Variants in EML5 observed in about 807,000 individuals in gnomAD.
EML5 encodes the protein EMAP like 5.
In EML5, 120 loss-of-function variants were observed where a neutral mutation model predicts 250.0. The ratio of observed to expected loss-of-function variants is 0.48; its 90% CI spans 0.41 to 0.56. EML5 has a LOEUF of 0.56. Among genes scored for constraint, EML5 ranks in the 20% least tolerant of loss-of-function variants. The pLI is 0.00. For synonymous variants in EML5, 771 were observed against 806.5 expected (o/e 0.96, Z 0.75); for missense variants, 2,006 against 2,437.6 (o/e 0.82, Z 3.73).
chr14:88,760,382 T>G (rs2094221689), intron 1 of EML5, among the ~76,000 whole-genome samples: 1 of 152,140 alleles, frequency 6.6e-6, no homozygotes, highest in African/African-American at 2.4e-5. Context: ...TTATGTAAGA[T>G]TCCTAACTTT....
chr14:88,674,729 CCA>C (rs2092555495), intron 21 of EML5, among the ~76,000 whole-genome samples: 1 of 152,176 alleles, frequency 6.6e-6, no homozygotes, highest in Admixed American at 6.5e-5. Flanking sequence ...ACTCAAAAGT[CCA>C]CAGTCTAACA....
rs139265755 is a variant in EML5 at position 88,780,678 on chromosome 14, C to T, written c.197+11629G>A. On this transcript the variant is annotated intron_variant, in intron 1 of 43. Transcript: ENST00000554922. Reference sequence around the variant, plus strand: ...GCAACCTCCGCCTCCCAGATTCAGGCAATTCTTGTGCCTCAGACTCCCAAG... The same window carrying T: ...GCAACCTCCGCCTCCCAGATTCAGGTAATTCTTGTGCCTCAGACTCCCAAG... 5.6e-3 allele frequency among the ~76,000 whole-genome samples: 857 copies of T among 152,212 alleles called. 6 individuals carry two copies. The highest frequency in any genetic ancestry group is 0.02 in the African/African-American group (826 of 41,522).
intron 1 of EML5, among the ~76,000 whole-genome samples, chr14:88,787,834 G>A (rs544322119): frequency 6.6e-6 from 1 of 151,894 alleles, no homozygotes; most frequent in Non-Finnish European, 1.5e-5. Flanking sequence ...ATATTGCACA[G>A]TGCTTAAGAA....
At chr14:88,683,396 A>G (rs2092758180) in intron 20 of EML5, among the ~76,000 whole-genome samples, 1 of 152,266 alleles carries the variant, frequency 6.6e-6, no homozygotes, top group African/African-American at 2.4e-5. Context: ...TGAAAACAAT[A>G]GAGCAATATG....
intron 7 of EML5, among the ~76,000 whole-genome samples, chr14:88,728,324 ACCAG>A (rs2093698708): frequency 3.6e-5 from 3 of 83,132 alleles, no homozygotes; most frequent in African/African-American, 1.4e-4. Flanking sequence ...TGAATAATGC[ACCAG>A]TTAGAAGCAC....
chr14:88,723,978 AAT>A (rs2093628296), intron 8 of EML5, among the ~76,000 whole-genome samples: 1 of 152,014 alleles, frequency 6.6e-6, no homozygotes, highest in Admixed American at 6.6e-5. Flanking sequence ...CAGGTACTTT[AAT>A]ATGTTATGAG....
At chr14:88,757,182 A>G (rs1192784092) in intron 1 of EML5, among the ~76,000 whole-genome samples, 2 of 152,190 alleles carry the variant, frequency 1.3e-5, no homozygotes, top group African/African-American at 4.8e-5. Context: ...TTTGTGGTCA[A>G]CTGATTTCAA....
chr14:88,778,376 T>C (rs2094466390), intron 1 of EML5, among the ~76,000 whole-genome samples: 1 of 152,190 alleles, frequency 6.6e-6, no homozygotes, highest in Non-Finnish European at 1.5e-5. Flanking sequence ...AAACTTCAAT[T>C]TTGAGTGTAC....
intron 1 of EML5, among the ~76,000 whole-genome samples, chr14:88,773,049 T>C (rs929066731): frequency 6.6e-6 from 1 of 152,246 alleles, no homozygotes; most frequent in African/African-American, 2.4e-5. Context: ...GCTTACTCCT[T>C]CGGAGGTATC....
Position 88,615,784 on chromosome 14 carries a change from T to G in EML5, c.*34A>C. On this transcript the variant is annotated 3_prime_UTR_variant, in exon 44 of 44. Transcript: ENST00000554922. ...GTTTTTCTTCTCTGTAATTCTGGTC[T>G]CAAAGTTAATTTCTGTAGTCATCTC... 1 of 1,602,376 alleles carries G rather than the reference T, an allele frequency of 6.2e-7. No individual in the cohort carries two copies. The highest frequency in any genetic ancestry group is 8.5e-7 in the Non-Finnish European group (1 of 1,174,312).
intron 31 of EML5, among the ~76,000 whole-genome samples, chr14:88,641,350 C>T (rs962811665): frequency 6.6e-6 from 1 of 151,954 alleles, no homozygotes; most frequent in Non-Finnish European, 1.5e-5. Context: ...AACTACAAAA[C>T]ATCCCACACA....
Position 88,642,928 on chromosome 14 carries a change from G to A in EML5, c.4202C>T (p.Thr1401Ile), listed in dbSNP as rs757333637. Residue 1401 changes from threonine (T) to isoleucine (I), a missense_variant, in exon 31 of 44, where the codon ACT (threonine) becomes ATT (isoleucine). This residue lies in a region of EML5 where 1,375 missense variants were observed against 1,590.3 expected (regional missense o/e 0.86). Coordinates refer to ENST00000554922, the MANE Select transcript of EML5 (RefSeq NM_183387.3). Reference protein sequence around the residue: ...LNDGDDIIYHTASVGILHNVA... With the variant: ...LNDGDDIIYHIASVGILHNVA... ...ATTGTGCAGAATTCCAACAGATGCAGTGTGATAAATTATATCATCACCATC... is the reference window on the plus strand; with the variant it reads ...ATTGTGCAGAATTCCAACAGATGCAATGTGATAAATTATATCATCACCATC... 2.5e-6 allele frequency: 4 copies of A among 1,606,274 alleles called. No homozygotes were observed. In the African/African-American group the frequency reaches 4.0e-5, roughly 16 times the overall value.
At chr14:88,638,435 A>G (rs912093256) in intron 32 of EML5, among the ~76,000 whole-genome samples, 6 of 152,194 alleles carry the variant, frequency 3.9e-5, no homozygotes, top group African/African-American at 1.2e-4. Context: ...TACCCCGCCC[A>G]GTCTAGTTAT....
Position 88,681,669 on chromosome 14 carries a change from G to A in EML5, c.3124+221C>T, listed in dbSNP as rs116977483. 2.9e-3 allele frequency among the ~76,000 whole-genome samples: 434 copies of A among 152,182 alleles called. 5 individuals carry two copies. Among genetic ancestry groups the A allele is most frequent in the Admixed American group, 0.018 (279 of 15,282 alleles). ...TATATTCTTTATTCAACAAGTTATT[G>A]GAAATTTGCTCACTTTAGGCATGAT... On this transcript the variant is annotated intron_variant, in intron 21 of 43. Coordinates refer to ENST00000554922, the MANE Select transcript of EML5 (RefSeq NM_183387.3).
rs776413793 is a variant in EML5 at position 88,740,404 on chromosome 14, T to C, written c.694A>G (p.Ile232Val). Residue 232 changes from isoleucine to valine, a missense_variant, in exon 5 of 44, where the codon ATA (isoleucine) becomes GTA (valine). Around this residue, in one of 7 missense-constraint regions of EML5, gnomAD observed 1,375 missense variants for 1,590.3 expected, o/e 0.86. Coordinates refer to ENST00000554922, the MANE Select transcript of EML5 (RefSeq NM_183387.3). ...GTACTTACAGCATGGGCTCCTTGTA[T>C]TGTTCGTATAAGATTGATTCCTTTC... ...VWKGINLIRTIQGAHAAGIFS... is the reference protein window; with the variant it reads ...VWKGINLIRTVQGAHAAGIFS... 3 of 1,610,704 alleles carry C rather than the reference T, an allele frequency of 1.9e-6. No homozygotes were observed. The highest frequency in any genetic ancestry group is 1.1e-5 in the South Asian group (1 of 90,608).
chr14:88,791,137 C>A (rs1846806330), intron 1 of EML5, among the ~76,000 whole-genome samples: 1 of 152,178 alleles, frequency 6.6e-6, no homozygotes, highest in Admixed American at 6.5e-5. Flanking sequence ...CCTAGGCATC[C>A]TTTCCCTCTT....
intron 33 of EML5, among the ~76,000 whole-genome samples, chr14:88,628,163 A>G (rs2090160652): frequency 6.6e-6 from 1 of 152,188 alleles, no homozygotes; most frequent in Admixed American, 6.5e-5. Flanking sequence ...ATACAATTAT[A>G]TGGAGAACTA....
intron 1 of EML5, among the ~76,000 whole-genome samples, chr14:88,775,563 C>T (rs865950742): frequency 4.5e-4 from 68 of 152,154 alleles, no homozygotes; most frequent in Admixed American, 7.2e-4. Flanking sequence ...AAGGACTGCG[C>T]CTTGTGGTTT....
intron 32 of EML5, among the ~76,000 whole-genome samples, chr14:88,636,349 G>A (rs897679969): frequency 4.6e-5 from 7 of 152,156 alleles, no homozygotes; most frequent in African/African-American, 1.4e-4. Flanking sequence ...GTTGGAGGGT[G>A]CCAAAGGAGA....
Sources: allele counts gnomAD v4.1 joint callset (sites outside exome capture counted in the v4.1 genomes callset), GRCh38; gene constraint gnomAD v4.1.1; regional missense constraint gnomAD v4.1.1; transcripts MANE v1.5; gene names NCBI Gene and HGNC (gene_info 2026-07-23, HGNC 2026-07-21).